TMEM132C: variants seen among roughly 807,000 people sequenced by gnomAD.
TMEM132C encodes transmembrane protein 132C.
In TMEM132C, 29 loss-of-function variants were observed where a neutral mutation model predicts 61.4. The observed-to-expected ratio is 0.47, with a 90% confidence interval of 0.35 to 0.64. The LOEUF (loss-of-function observed/expected upper bound fraction) is 0.64, where lower values mean the gene tolerates loss of function less well. TMEM132C is among the 30% of genes least tolerant of loss of function. The probability of loss-of-function intolerance (pLI) is 0.00; values close to 1 mark genes in which losing one functional copy is unlikely to be tolerated. For synonymous variants in TMEM132C, 656 were observed against 633.1 expected (o/e 1.04, Z -0.54); for missense variants, 1,408 against 1,476.9 (o/e 0.95, Z 0.76).
At chr12:128,289,601 A>G (rs1351116815) in intron 1 of TMEM132C, among the ~76,000 whole-genome samples, 1 of 152,196 alleles carries the variant, frequency 6.6e-6, no homozygotes, top group Non-Finnish European at 1.5e-5. Context: ...TAGGCCCAAG[A>G]GGTGTATTTA....
At chr12:128,404,206 T>C (rs1417361904) in intron 1 of TMEM132C, among the ~76,000 whole-genome samples, 1 of 152,208 alleles carries the variant, frequency 6.6e-6, no homozygotes, top group Non-Finnish European at 1.5e-5. Context: ...CAGGGGATGT[T>C]ATTTTTATTT....
chr12:128,599,715 A>G (rs939358657), intron 3 of TMEM132C, among the ~76,000 whole-genome samples: 4 of 152,224 alleles, frequency 2.6e-5, no homozygotes, highest in East Asian at 1.9e-4. Context: ...AAGTGATTCT[A>G]TCATGCAGCC....
At chr12:128,334,393 A>G (rs2135948060) in intron 1 of TMEM132C, among the ~76,000 whole-genome samples, 1 of 152,116 alleles carries the variant, frequency 6.6e-6, no homozygotes, top group East Asian at 1.9e-4. Context: ...CTCATTCCTC[A>G]GTGCCAGTGT....
At chr12:128,432,441 AAGTCAAATATCAATATTAACAGGGTTTT>A (rs1869424925) in intron 2 of TMEM132C, among the ~76,000 whole-genome samples, 1 of 152,206 alleles carries the variant, frequency 6.6e-6, no homozygotes, top group Non-Finnish European at 1.5e-5. Flanking sequence ...TCATGGGAGG[AAGTCAAATATCAATATTAACAGGGTTTT>A]AGAAGACGTT....
intron 1 of TMEM132C, among the ~76,000 whole-genome samples, chr12:128,413,230 C>T (rs529393563): frequency 3.8e-5 from 5 of 131,174 alleles, no homozygotes; most frequent in South Asian, 2.5e-4. Context: ...ACCCGGGAGG[C>T]GGAGCTTGCA....
intron 1 of TMEM132C, among the ~76,000 whole-genome samples, chr12:128,295,243 C>G (rs1284219230): frequency 2.0e-5 from 3 of 152,142 alleles, no homozygotes; most frequent in Non-Finnish European, 4.4e-5. Context: ...ACAATCACAA[C>G]TCACCGCAGC....
chr12:128,500,079 A>C (rs1283851611), intron 2 of TMEM132C, among the ~76,000 whole-genome samples: 1 of 152,186 alleles, frequency 6.6e-6, no homozygotes, highest in Non-Finnish European at 1.5e-5. Context: ...AAGCCATAAG[A>C]GTGAGTGTCA....
intron 1 of TMEM132C, among the ~76,000 whole-genome samples, chr12:128,313,368 C>T (rs1025655633): frequency 6.6e-6 from 1 of 152,180 alleles, no homozygotes; most frequent in Non-Finnish European, 1.5e-5. Context: ...CTTGGCACCC[C>T]CAGTCTCTAT....
intron 1 of TMEM132C, among the ~76,000 whole-genome samples, chr12:128,390,219 G>A (rs73159822): frequency 0.021 from 3,177 of 152,292 alleles, 43 homozygotes; most frequent in Middle Eastern, 0.044. Flanking sequence ...AACTTTCTTG[G>A]CTTAAAAATA....
chr12:128,565,997 C>A (rs1051785236), intron 3 of TMEM132C, among the ~76,000 whole-genome samples: 3 of 152,014 alleles, frequency 2.0e-5, no homozygotes, highest in African/African-American at 7.2e-5. Context: ...TCAAGCAATT[C>A]TCCTGCCTCA....
chr12:128,604,283 A>G (rs1056215192), intron 3 of TMEM132C, among the ~76,000 whole-genome samples: 3 of 152,118 alleles, frequency 2.0e-5, no homozygotes, highest in Non-Finnish European at 4.4e-5. Context: ...TGATTAATTG[A>G]TTGGTAGATA....
intron 2 of TMEM132C, among the ~76,000 whole-genome samples, chr12:128,538,658 C>T (rs1873626094): frequency 6.6e-6 from 1 of 152,216 alleles, no homozygotes; most frequent in African/African-American, 2.4e-5. Context: ...TCTCCACGCA[C>T]AGAGGCAAAA....
At chr12:128,641,981 G>A (rs867679788) in intron 4 of TMEM132C, among the ~76,000 whole-genome samples, 1 of 78,506 alleles carries the variant, frequency 1.3e-5, no homozygotes, top group African/African-American at 4.9e-5. Flanking sequence ...TTTTTTTTTT[G>A]TATTTTTAGT....
intron 2 of TMEM132C, among the ~76,000 whole-genome samples, chr12:128,494,796 C>A (rs972215354): frequency 7.9e-5 from 12 of 151,990 alleles, no homozygotes; most frequent in Admixed American, 2.6e-4. Context: ...AAAAAACCAC[C>A]TCCTGGATTC....
intron 2 of TMEM132C, among the ~76,000 whole-genome samples, chr12:128,532,640 C>CAAAAAAAAA (rs61283555): frequency 4.5e-5 from 3 of 67,160 alleles, no homozygotes; most frequent in African/African-American, 7.4e-5. Context: ...GACTCCATCT[C>CAAAAAAAAA]AAAAAAAAAA....
intron 4 of TMEM132C, among the ~76,000 whole-genome samples, chr12:128,626,213 G>A (rs1313783878): frequency 2.0e-5 from 3 of 148,158 alleles, no homozygotes; most frequent in Admixed American, 6.7e-5. Flanking sequence ...TGCAACCTTC[G>A]CCTCCCAGGT....
At position 128,707,705 on chromosome 12, in the gene TMEM132C, G is replaced by T. The variant is rs530808776; in HGVS notation, c.*1410G>T. ...CAGCCCTCATGCTCTCCGCAGGGGG[G>T]CGCTCACAAAGATGCCAGGGGTGTT... On this transcript the variant is annotated 3_prime_UTR_variant, in exon 9 of 9. Coordinates refer to ENST00000435159, the MANE Select transcript of TMEM132C (RefSeq NM_001136103.3). 1 of 152,308 alleles carries T rather than the reference G, an allele frequency of 6.6e-6. No homozygotes were observed. The highest frequency in any genetic ancestry group is 2.1e-4 in the South Asian group (1 of 4,818). 9.4% of individuals were successfully genotyped at this position (152,308 alleles called of 1,614,324 possible).
intron 4 of TMEM132C, among the ~76,000 whole-genome samples, chr12:128,661,879 GC>G (rs1397837843): frequency 6.6e-6 from 1 of 152,162 alleles, no homozygotes; most frequent in Non-Finnish European, 1.5e-5. Flanking sequence ...TGTAAAACGT[GC>G]TTTTGTATAA....
At chr12:128,696,498 C>T (rs1954766060) in intron 7 of TMEM132C, among the ~76,000 whole-genome samples, 1 of 152,222 alleles carries the variant, frequency 6.6e-6, no homozygotes, top group Admixed American at 6.5e-5. Flanking sequence ...GGATTCTTCT[C>T]ATTTCTTCCT....
Sources: gnomAD v4.1 joint callset for allele counts (sites outside exome capture counted in the v4.1 genomes callset) on GRCh38, gnomAD v4.1.1 for gene constraint, MANE v1.5 for transcripts, NCBI Gene and HGNC (gene_info 2026-07-23, HGNC 2026-07-21) for gene names.